PATJ: variants seen among roughly 807,000 people sequenced by gnomAD.
The protein encoded by PATJ is PATJ crumbs cell polarity complex component, also known as inaD-like protein.
PATJ carries 190 observed loss-of-function variants against 224.9 expected under a neutral mutation model. The observed-to-expected ratio is 0.84, with a 90% CI of 0.75 to 0.95. The LOEUF is 0.95. PATJ is among the 40% of genes least tolerant of loss of function. PATJ has a pLI of 0.00. For synonymous variants in PATJ, 769 were observed against 820.3 expected (o/e 0.94, Z 1.07); for missense variants, 2,121 against 2,270.3 (o/e 0.93, Z 1.34).
chr1:62,144,272 G>A (rs1667790501), intron 41 of PATJ, among the ~76,000 whole-genome samples: 1 of 151,974 alleles, frequency 6.6e-6, no homozygotes, highest in African/African-American at 2.4e-5. Flanking sequence ...TCATACAGTG[G>A]TACTTCCAGA....
chr1:61,752,355 CCA>C (rs1645387755), intron 1 of PATJ, among the ~76,000 whole-genome samples: 1 of 148,332 alleles, frequency 6.7e-6, no homozygotes. Context: ...GCTCTGTCAC[CCA>C]GGCTGGAGTG....
chr1:61,774,448 A>G (rs1646805941), intron 6 of PATJ, among the ~76,000 whole-genome samples: 1 of 152,220 alleles, frequency 6.6e-6, no homozygotes, highest in South Asian at 2.1e-4. Flanking sequence ...TCTGATTTGT[A>G]TAGTCCTATT....
At chr1:62,007,567 A>T (rs897116600) in intron 28 of PATJ, among the ~76,000 whole-genome samples, 2 of 152,250 alleles carry the variant, frequency 1.3e-5, no homozygotes, top group African/African-American at 4.8e-5. Context: ...GCAGGAGCCT[A>T]AGAAACCATA....
At chr1:62,077,277 A>T (rs929318231) in intron 31 of PATJ, among the ~76,000 whole-genome samples, 4 of 152,200 alleles carry the variant, frequency 2.6e-5, no homozygotes, top group African/African-American at 7.2e-5. Flanking sequence ...TGGATATCTA[A>T]GTCCTCTCAA....
intron 7 of PATJ, among the ~76,000 whole-genome samples, chr1:61,780,820 T>C (rs577504824): frequency 2.0e-5 from 3 of 152,196 alleles, no homozygotes; most frequent in Non-Finnish European, 4.4e-5. Context: ...ATGTGCAGAG[T>C]TTCCCAGATT....
chr1:61,827,404 AT>A lies in PATJ; in HGVS notation c.1819-17del. Reference sequence around the variant, plus strand: ...TTTGGGGCTGGCTCAGTTCTGACTTATCCCCTTGTCTTCCTAGGTCAATGGC... The same window carrying A: ...TTTGGGGCTGGCTCAGTTCTGACTTACCCCTTGTCTTCCTAGGTCAATGGC... On this transcript the variant is annotated splice_polypyrimidine_tract_variant and intron_variant, in intron 15 of 43. Coordinates refer to ENST00000642238, the MANE Select transcript of PATJ (RefSeq NM_001350145.3). The A allele has an allele frequency of 6.2e-7, 1 of 1,611,156 alleles. No homozygotes were observed. Among genetic ancestry groups the A allele is most frequent in the Non-Finnish European group, 8.5e-7 (1 of 1,178,474 alleles).
At chr1:62,116,917 T>C (rs1664500624) in intron 36 of PATJ, among the ~76,000 whole-genome samples, 1 of 152,210 alleles carries the variant, frequency 6.6e-6, no homozygotes, top group Non-Finnish European at 1.5e-5. Context: ...TTTTCATACT[T>C]GTGAGAATTC....
intron 27 of PATJ, among the ~76,000 whole-genome samples, chr1:61,965,305 AATGAAAAAAAC>A (rs1371589286): frequency 2.0e-5 from 3 of 152,192 alleles, no homozygotes; most frequent in East Asian, 1.9e-4. Context: ...TTCAGGATTC[AATGAAAAAAAC>A]ATGAAAAAGC....
chr1:61,923,878 C>T lies in PATJ; in HGVS notation c.3571-3852C>T, dbSNP rs111360054. 8.8e-3 allele frequency among the ~76,000 whole-genome samples: 1,304 copies of T among 148,466 alleles called. 7 individuals are homozygous for T. The highest frequency in any genetic ancestry group is 0.018 in the Middle Eastern group (5 of 284). On this transcript the variant is annotated intron_variant, in intron 26 of 43. Coordinates refer to ENST00000642238, the MANE Select transcript of PATJ (RefSeq NM_001350145.3). ...CGGAGGTTGTAGTGAGCTGAGATCTCGCCATTGCACTCGAGCCTGGACGAC... is the reference window on the plus strand; with the variant it reads ...CGGAGGTTGTAGTGAGCTGAGATCTTGCCATTGCACTCGAGCCTGGACGAC...
intron 28 of PATJ, among the ~76,000 whole-genome samples, chr1:62,000,205 T>G (rs1175192489): frequency 2.0e-5 from 3 of 151,020 alleles, no homozygotes; most frequent in Admixed American, 6.6e-5. Flanking sequence ...TTTTTGTTTT[T>G]TTTTTTTTAT....
intron 29 of PATJ, among the ~76,000 whole-genome samples, chr1:62,023,660 T>C (rs905768036): frequency 7.9e-5 from 12 of 152,192 alleles, no homozygotes; most frequent in African/African-American, 2.9e-4. Context: ...GTAAGCAAAG[T>C]CATAGGATGT....
At chr1:61,853,108 T>A (rs1663100350) in intron 17 of PATJ, among the ~76,000 whole-genome samples, 1 of 152,194 alleles carries the variant, frequency 6.6e-6, no homozygotes, top group Non-Finnish European at 1.5e-5. Context: ...TAAACCTGAA[T>A]ACATTTTAGT....
chr1:62,096,621 C>T (rs1490063734), intron 33 of PATJ, among the ~76,000 whole-genome samples: 1 of 152,100 alleles, frequency 6.6e-6, no homozygotes, highest in Non-Finnish European at 1.5e-5. Flanking sequence ...TGGTGTCACT[C>T]ATCCTTAGAG....
At chr1:61,827,055 G>A (rs1264193235) in intron 15 of PATJ, among the ~76,000 whole-genome samples, 1 of 152,172 alleles carries the variant, frequency 6.6e-6, no homozygotes, top group African/African-American at 2.4e-5. Context: ...TACTTAGTGT[G>A]TTTAAGGGGA....
At chr1:61,871,399 ATGTG>A (rs1553185871) in intron 20 of PATJ, among the ~76,000 whole-genome samples, 1 of 92,970 alleles carries the variant, frequency 1.1e-5, no homozygotes, top group Non-Finnish European at 2.2e-5. Flanking sequence ...ATATATATAT[ATGTG>A]TATATATATA....
At chr1:62,133,745 C>CTTTTTT (rs113938436) in intron 41 of PATJ, among the ~76,000 whole-genome samples, 2 of 121,190 alleles carry the variant, frequency 1.7e-5, no homozygotes, top group Non-Finnish European at 3.4e-5. Flanking sequence ...CAAGAATTTG[C>CTTTTTT]TTTTTTTTTT....
At chr1:61,876,973 A>C (rs1317059739) in intron 21 of PATJ, among the ~76,000 whole-genome samples, 2 of 152,238 alleles carry the variant, frequency 1.3e-5, no homozygotes, top group Non-Finnish European at 1.5e-5. Context: ...TAATACACTT[A>C]GTGTTACAAG....
At chr1:61,964,649 C>T (rs768685583) in intron 27 of PATJ, among the ~76,000 whole-genome samples, 7 of 151,452 alleles carry the variant, frequency 4.6e-5, no homozygotes, top group Non-Finnish European at 7.4e-5. Flanking sequence ...ATTAACTGGG[C>T]GTGGTGTGGC....
chr1:61,889,216 C>T (rs72676229), intron 22 of PATJ, among the ~76,000 whole-genome samples: 13 of 152,246 alleles, frequency 8.5e-5, no homozygotes, highest in Non-Finnish European at 1.8e-4. Flanking sequence ...TGTGTGTCTA[C>T]GTGCGTGTGA....
Sources: gnomAD v4.1 joint callset for allele counts (sites outside exome capture counted in the v4.1 genomes callset) on GRCh38, gnomAD v4.1.1 for gene constraint, MANE v1.5 for transcripts, NCBI Gene and HGNC (gene_info 2026-07-23, HGNC 2026-07-21) for gene names.